Variants in EHD4 observed in about 807,000 individuals in gnomAD.
EHD4 encodes the protein EH domain containing 4, also known as EH domain-containing protein 4.
EHD4 carries 37 observed loss-of-function variants against 51.0 expected under a neutral mutation model. That is an observed-to-expected ratio of 0.73 (90% CI 0.56 to 0.95). The LOEUF (loss-of-function observed/expected upper bound fraction) is 0.95. Among genes scored for constraint, EHD4 ranks in the 40% least tolerant of loss-of-function variants. The pLI, the probability that EHD4 is intolerant of heterozygous loss-of-function variation, is 0.00. For missense variants in EHD4, 632 were observed against 733.1 expected, an observed-to-expected ratio of 0.86 and a Z score of 1.59; for synonymous variants, 297 against 317.3, an observed-to-expected ratio of 0.94 and a Z score of 0.68.
chr15:41,958,053 G>A (rs1283235039), intron 1 of EHD4, among the ~76,000 whole-genome samples: 1 of 151,928 alleles, frequency 6.6e-6, no homozygotes, highest in Non-Finnish European at 1.5e-5. Context: ...GTGCCTCAGA[G>A]GCTTTCCCAA....
chr15:41,904,244 C>G (rs1041490103), intron 5 of EHD4, among the ~76,000 whole-genome samples: 2 of 152,204 alleles, frequency 1.3e-5, no homozygotes, highest in African/African-American at 4.8e-5. Context: ...GACTGCAGAG[C>G]TCTGGAAAAC....
chr15:41,965,076 A>T lies in EHD4; in HGVS notation c.236+7183T>A, dbSNP rs75380807. Among the ~76,000 whole-genome samples, 689 of 152,236 alleles carry T rather than the reference A, an allele frequency of 4.5e-3. 4 individuals are homozygous for T. Among genetic ancestry groups the T allele is most frequent in the African/African-American group, 0.015 (642 of 41,556 alleles). ...TGTGAGCTGCTGCGCCCAGCCTATT[A>T]TCTATATTTTTTGAGGCACTAATTT... is the stretch of plus-strand genomic sequence containing the variant. On this transcript the variant is annotated intron_variant, in intron 1 of 5. Coordinates refer to ENST00000220325, the MANE Select transcript of EHD4 (RefSeq NM_139265.4).
At chr15:41,958,166 C>A (rs547044479) in intron 1 of EHD4, among the ~76,000 whole-genome samples, 61 of 151,950 alleles carry the variant, frequency 4.0e-4, no homozygotes, top group Non-Finnish European at 7.8e-4. Context: ...ATTAGCCCCT[C>A]CACAGGCATC....
chr15:41,952,938 G>A (rs909574800), intron 2 of EHD4, among the ~76,000 whole-genome samples: 4 of 146,578 alleles, frequency 2.7e-5, no homozygotes, highest in South Asian at 2.3e-4. Context: ...TGCAGTGAGC[G>A]GAGATCATGC....
chr15:41,954,028 A>G, intron 1 of EHD4, 88 bp from the exon 2 acceptor site: 1 of 1,403,258 alleles, frequency 7.1e-7, no homozygotes, highest in Non-Finnish European at 9.8e-7. Flanking sequence ...ATTTTTTTAC[A>G]TAATCATTTA....
At chr15:41,941,433 G>T (rs2067768976) in intron 3 of EHD4, among the ~76,000 whole-genome samples, 1 of 152,126 alleles carries the variant, frequency 6.6e-6, no homozygotes, top group Non-Finnish European at 1.5e-5. Context: ...AGAAGTGAGA[G>T]AAAACCATTA....
chr15:41,921,824 A>T (rs942869908), intron 3 of EHD4: 1 of 152,198 alleles, frequency 6.6e-6, no homozygotes, highest in Non-Finnish European at 1.5e-5. Context: ...TGTGGCAGAG[A>T]GTCCCTCGCC....
At chr15:41,938,333 A>G (rs2140997026) in intron 3 of EHD4, among the ~76,000 whole-genome samples, 1 of 152,272 alleles carries the variant, frequency 6.6e-6, no homozygotes, top group African/African-American at 2.4e-5. Context: ...ATTGCCTAGG[A>G]GGACTTAAAG....
intron 1 of EHD4, among the ~76,000 whole-genome samples, chr15:41,966,352 C>T (rs1157268662): frequency 6.6e-6 from 1 of 152,196 alleles, no homozygotes; most frequent in Non-Finnish European, 1.5e-5. Context: ...ACCACCACCT[C>T]TCTCCCTGGC....
chr15:41,929,160 G>A (rs997666610), intron 3 of EHD4, among the ~76,000 whole-genome samples: 3 of 152,180 alleles, frequency 2.0e-5, no homozygotes, highest in African/African-American at 7.2e-5. Context: ...GCGTGTCCAG[G>A]GATGGCGTTG....
chr15:41,946,174 T>G (rs950873844), intron 2 of EHD4, among the ~76,000 whole-genome samples: 2 of 152,214 alleles, frequency 1.3e-5, no homozygotes, highest in African/African-American at 4.8e-5. Flanking sequence ...TGCCTTGCCC[T>G]CTACATTTCA....
intron 2 of EHD4, among the ~76,000 whole-genome samples, chr15:41,950,096 G>T (rs1171448332): frequency 1.3e-5 from 2 of 152,230 alleles, no homozygotes; most frequent in South Asian, 2.1e-4. Context: ...ACCTCTGTGT[G>T]TTCTAAACTC....
chr15:41,911,572 TG>T (rs1162619200), intron 4 of EHD4, among the ~76,000 whole-genome samples: 1 of 152,206 alleles, frequency 6.6e-6, no homozygotes, highest in African/African-American at 2.4e-5. Flanking sequence ...GCTCACCAGC[TG>T]TCCTTGCATC....
intron 2 of EHD4, among the ~76,000 whole-genome samples, chr15:41,949,918 C>A (rs1318773269): frequency 6.6e-6 from 1 of 152,140 alleles, no homozygotes. Context: ...CTCTGGGTGC[C>A]CTTGGCTGTC....
Position 41,911,727 on chromosome 15 carries a change from G to A in EHD4, c.925-1864C>T, listed in dbSNP as rs73408600. Among the ~76,000 whole-genome samples the A allele has an allele frequency of 4.1e-3, 617 of 152,266 alleles. 10 individuals carry two copies. Among genetic ancestry groups the A allele is most frequent in the African/African-American group, 0.014 (586 of 41,542 alleles). On this transcript the variant is annotated intron_variant, in intron 4 of 5. Coordinates refer to ENST00000220325, the MANE Select transcript of EHD4 (RefSeq NM_139265.4). The stretch of plus-strand genomic sequence containing the variant: ...CCAAGGGAAGCAGGAGGCCCCCACA[G>A]CTGCTCAGTCTCCCAAACACAAGGG...
intron 3 of EHD4, among the ~76,000 whole-genome samples, chr15:41,923,001 T>C (rs943204294): frequency 1.3e-5 from 2 of 151,952 alleles, no homozygotes; most frequent in Non-Finnish European, 2.9e-5. Flanking sequence ...CTGGGAGAGG[T>C]TGGTCTGCTT....
intron 2 of EHD4, among the ~76,000 whole-genome samples, chr15:41,943,714 C>T (rs1413770982): frequency 6.6e-6 from 1 of 152,246 alleles, no homozygotes; most frequent in East Asian, 1.9e-4. Flanking sequence ...CTTCAGGATG[C>T]ACTGGCCCAC....
rs1206504446 is a variant in EHD4 at position 41,900,744 on chromosome 15, G to A, written c.1527C>T (p.His509=). The A allele has an allele frequency of 1.2e-6, 2 of 1,613,464 alleles. No homozygotes were observed. Among genetic ancestry groups the A allele is most frequent in the Non-Finnish European group, 1.7e-6 (2 of 1,180,046 alleles). The change falls in exon 6 of 6, where the codon CAC becomes CAT. Residue 509 remains histidine (H), a synonymous_variant. Coordinates refer to ENST00000220325, the MANE Select transcript of EHD4 (RefSeq NM_139265.4). This position sits in a 1 kb window ranked among gnomAD's most constrained non-coding sequence, Gnocchi z 4.8. Reference sequence around the variant, plus strand: ...AGCCGTCGAGCTTGATCTTGATGAGGTGCTTGGCCAGCGCGAACTCCTCCT... The same window carrying A: ...AGCCGTCGAGCTTGATCTTGATGAGATGCTTGGCCAGCGCGAACTCCTCCT... ...LDEEEFALAK[H]LIKIKLDGYE... is the part of the protein sequence containing the mutation.
At chr15:41,911,660 C>G (rs1320414440) in intron 4 of EHD4, among the ~76,000 whole-genome samples, 1 of 152,134 alleles carries the variant, frequency 6.6e-6, no homozygotes, top group Non-Finnish European at 1.5e-5. Flanking sequence ...CTATGTATAC[C>G]TCTCTCTTCT....
Sources: gnomAD v4.1 joint callset for allele counts (sites outside exome capture counted in the v4.1 genomes callset) on GRCh38, gnomAD v4.1.1 for gene constraint, Gnocchi (gnomAD v3.1) non-coding constraint, MANE v1.5 for transcripts, NCBI Gene and HGNC (gene_info 2026-07-23, HGNC 2026-07-21) for gene names.